The following PIAS1 variants were observed in gnomAD, a reference collection of about 807,000 sequenced individuals.
PIAS1 encodes protein inhibitor of activated STAT 1, also known as E3 SUMO-protein ligase PIAS1.
A neutral mutation model predicts 71.3 loss-of-function variants in PIAS1; 6 were observed. The ratio of observed to expected loss-of-function variants is 0.08; its 90% confidence interval spans 0.05 to 0.17. The LOEUF (loss-of-function observed/expected upper bound fraction) is 0.17, where lower values mean the gene tolerates loss of function less well. Among genes scored for constraint, PIAS1 ranks in the 10% least tolerant of loss-of-function variants. The pLI is 1.00. For synonymous variants in PIAS1, 303 were observed against 292.9 expected (o/e 1.03, Z -0.35); for missense variants, 555 against 793.6 (o/e 0.70, Z 3.61).
chr15:68,140,411 A>G (rs2092762344), intron 2 of PIAS1, among the ~76,000 whole-genome samples: 1 of 152,196 alleles, frequency 6.6e-6, no homozygotes, highest in Non-Finnish European at 1.5e-5. Context: ...AGTTACTTGC[A>G]TTGCCTGACA....
chr15:68,069,803 CAAAAAA>C (rs56693841), intron 1 of PIAS1, among the ~76,000 whole-genome samples: 3 of 101,470 alleles, frequency 3.0e-5, no homozygotes, highest in Non-Finnish European at 2.0e-5. Flanking sequence ...GACTCCGTCT[CAAAAAA>C]AAAAAAAAAA....
chr15:68,116,686 C>G (rs2092567561), intron 2 of PIAS1, among the ~76,000 whole-genome samples: 1 of 151,956 alleles, frequency 6.6e-6, no homozygotes, highest in East Asian at 1.9e-4. Context: ...TGATTTAAGA[C>G]CTTTTTTTTC....
In PIAS1 at chr15:68,193,077, C is replaced by G. The variant is rs187350334; in HGVS notation, c.*5242C>G. 4.6e-5 allele frequency: 7 copies of G among 152,386 alleles called. No homozygotes were observed. In the East Asian group the frequency reaches 1.4e-3, roughly 29 times the overall value. 9.4% of individuals were successfully genotyped at this position (152,386 alleles called of 1,614,324 possible). ...CAGGGCTGTTGTACCCTGGCCATTG[C>G]TGGTTACATCCCCTTATTTCTCTCC... On this transcript the variant is annotated 3_prime_UTR_variant, in exon 14 of 14. Coordinates refer to ENST00000249636, the MANE Select transcript of PIAS1 (RefSeq NM_016166.3).
intron 2 of PIAS1, chr15:68,087,835 T>C (rs780781882): frequency 4.1e-4 from 153 of 370,774 alleles, no homozygotes; most frequent in Non-Finnish European, 7.2e-4. Context: ...TTTTTAATTA[T>C]ATTTAGCAGA....
intron 7 of PIAS1, among the ~76,000 whole-genome samples, 158 bp from the exon 8 acceptor site, chr15:68,164,573 A>G (rs887807453): frequency 6.6e-6 from 1 of 152,218 alleles, no homozygotes; most frequent in African/African-American, 2.4e-5. Flanking sequence ...TGCTTATAGA[A>G]TTAAAAGCCA....
intron 1 of PIAS1, among the ~76,000 whole-genome samples, chr15:68,072,708 A>T (rs1289019460): frequency 6.6e-6 from 1 of 152,152 alleles, no homozygotes; most frequent in Non-Finnish European, 1.5e-5. Flanking sequence ...AGACTCTTGT[A>T]GTGTCAATTT....
At chr15:68,128,584 T>A (rs115874411) in intron 2 of PIAS1, among the ~76,000 whole-genome samples, 1,650 of 152,126 alleles carry the variant, frequency 0.011, 31 homozygotes, top group African/African-American at 0.036. Flanking sequence ...TAAAAAAAAA[T>A]TTTTTTTGGA....
chr15:68,154,468 T>C (rs145989506), intron 7 of PIAS1, among the ~76,000 whole-genome samples: 291 of 152,308 alleles, frequency 1.9e-3, no homozygotes, highest in Non-Finnish European at 3.0e-3. Flanking sequence ...TAGATAGCTA[T>C]CCTTTAAGGA....
At chr15:68,117,508 A>G (rs2092575489) in intron 2 of PIAS1, among the ~76,000 whole-genome samples, 1 of 152,094 alleles carries the variant, frequency 6.6e-6, no homozygotes, top group South Asian at 2.1e-4. Flanking sequence ...ATCTCTGCCT[A>G]TTTCTCTTCC....
At chr15:68,092,739 T>C (rs111578929) in intron 2 of PIAS1, among the ~76,000 whole-genome samples, 5 of 152,298 alleles carry the variant, frequency 3.3e-5, no homozygotes, top group African/African-American at 7.2e-5. Flanking sequence ...CCTTTCACCC[T>C]GTGAGGACAC....
intron 2 of PIAS1, among the ~76,000 whole-genome samples, chr15:68,119,513 G>A (rs1274199446): frequency 6.6e-6 from 1 of 151,694 alleles, no homozygotes; most frequent in Non-Finnish European, 1.5e-5. Context: ...TAGTTTAATT[G>A]AATTCTACTG....
At position 68,054,505 on chromosome 15, in the gene PIAS1, GGGGCCCGCCTGCGGCGGGCCGC is replaced by G. The variant is rs1477686639; in HGVS notation, c.24+162_24+183del. ...AGAGGCGCGCCCGGTCTCAGCAGAG[GGGGCCCGCCTGCGGCGGGCCGC>G]GGGCCCCGGGTGCCTCGGGGGCGCT... On this transcript the variant is annotated intron_variant, in intron 1 of 13. Coordinates refer to ENST00000249636, the MANE Select transcript of PIAS1 (RefSeq NM_016166.3). The surrounding 1 kb of genome is among the most constrained non-coding windows in gnomAD (Gnocchi z 4.6). The G allele has an allele frequency of 1.4e-4, 97 of 689,710 alleles. No homozygotes were observed. The highest frequency in any genetic ancestry group is 9.0e-4 in the East Asian group (27 of 29,958). 42.7% of individuals were successfully genotyped at this position (689,710 alleles called of 1,614,324 possible).
At position 68,186,733 on chromosome 15, in the gene PIAS1, C is replaced by T. The variant is rs561113395; in HGVS notation, c.1663-809C>T. 1.3e-5 allele frequency among the ~76,000 whole-genome samples: 2 copies of T among 152,264 alleles called. No individual in the cohort carries two copies. Among genetic ancestry groups the T allele is most frequent in the South Asian group, 4.1e-4 (2 of 4,820 alleles). On this transcript the variant is annotated intron_variant, in intron 13 of 13. Transcript: ENST00000249636. This position sits in a 1 kb window ranked among gnomAD's most constrained non-coding sequence, Gnocchi z 4.4. ...CTTTTATACCATATTTTTACTGTAC[C>T]TTTTCTATGTTGAGATATACACATA...
intron 2 of PIAS1, among the ~76,000 whole-genome samples, chr15:68,097,692 C>G (rs955944009): frequency 6.6e-6 from 1 of 152,168 alleles, no homozygotes; most frequent in Non-Finnish European, 1.5e-5. Context: ...CTCGGCCTCC[C>G]AAAGTGCTGG....
intron 2 of PIAS1, among the ~76,000 whole-genome samples, chr15:68,087,679 A>G (rs960363661): frequency 3.3e-5 from 5 of 152,210 alleles, no homozygotes; most frequent in Non-Finnish European, 7.3e-5. Flanking sequence ...ATTTACCCGT[A>G]TAGTAAAAGC....
intron 2 of PIAS1, among the ~76,000 whole-genome samples, chr15:68,092,580 A>G (rs980154295): frequency 1.3e-5 from 2 of 152,164 alleles, no homozygotes; most frequent in Non-Finnish European, 2.9e-5. Flanking sequence ...ACAAATTCAA[A>G]TGTTGAAACC....
At chr15:68,087,696 A>G in intron 2 of PIAS1, 1 of 214,216 alleles carries the variant, frequency 4.7e-6, no homozygotes, top group Non-Finnish European at 1.0e-5. Context: ...AAGCTTGTGA[A>G]TCCCTGTTAC....
chr15:68,092,798 C>G (rs1275941722), intron 2 of PIAS1, among the ~76,000 whole-genome samples: 1 of 152,204 alleles, frequency 6.6e-6, no homozygotes, highest in Non-Finnish European at 1.5e-5. Context: ...GACACAAAAT[C>G]TGCAGATGCC....
In PIAS1 at chr15:68,099,596, A is replaced by G. The variant is rs373093656; in HGVS notation, c.469+12846A>G. Among the ~76,000 whole-genome samples, 12 of 151,894 alleles carry G rather than the reference A, an allele frequency of 7.9e-5. No individual in the cohort carries two copies. In the East Asian group the frequency reaches 1.9e-3, roughly 24 times the overall value. On this transcript the variant is annotated intron_variant, in intron 2 of 13. Coordinates refer to ENST00000249636, the MANE Select transcript of PIAS1 (RefSeq NM_016166.3). ...TATTCATGTACAGGTGCTTGTATGG[A>G]CATAAGTTTTCTTTTCTCCAAATAC...
Sources: allele counts gnomAD v4.1 joint callset (sites outside exome capture counted in the v4.1 genomes callset), GRCh38; gene constraint gnomAD v4.1.1; non-coding constraint Gnocchi (gnomAD v3.1); transcripts MANE v1.5; gene names NCBI Gene and HGNC (gene_info 2026-07-23, HGNC 2026-07-21).